Variants in SCRG1 observed in about 807,000 individuals in gnomAD.
SCRG1 encodes the protein scrapie-responsive protein 1.
In SCRG1, 3 loss-of-function variants were observed where a neutral mutation model predicts 7.7. The observed-to-expected ratio is 0.39, with a 90% CI of 0.18 to 1.01. The LOEUF is 1.01. SCRG1 is among the 50% of genes least tolerant of loss of function. SCRG1 has a pLI of 0.36. For missense variants in SCRG1, 110 were observed against 117.2 expected (o/e 0.94, Z 0.28); for synonymous variants, 46 against 41.2 (o/e 1.12, Z -0.44).
At chr4:173,388,739 G>A (rs1194512682) in intron 2 of SCRG1, among the ~76,000 whole-genome samples, 2 of 152,184 alleles carry the variant, frequency 1.3e-5, no homozygotes, top group African/African-American at 4.8e-5. Context: ...TTAGGAAACA[G>A]AAGATTCAAC....
At chr4:173,499,462 T>C in the SCRG1 span, among the ~76,000 whole-genome samples, 1 of 152,182 alleles carries the variant, frequency 6.6e-6, no homozygotes, top group Non-Finnish European at 1.5e-5. This position sits in a 1 kb window ranked among gnomAD's most constrained non-coding sequence, Gnocchi z 4.1. Context: ...GTAATAGCAG[T>C]TGATAAGGAA....
the SCRG1 span, among the ~76,000 whole-genome samples, chr4:173,459,190 T>A: frequency 6.6e-6 from 1 of 152,200 alleles, no homozygotes. Flanking sequence ...CACCTCACTC[T>A]CAGAATCGCA....
At chr4:173,422,184 T>C in the SCRG1 span, among the ~76,000 whole-genome samples, 3,151 of 152,334 alleles carry the variant, frequency 0.021, 95 homozygotes, top group African/African-American at 0.067. Context: ...GTAAGTGGAC[T>C]GTTACAGGAT....
the SCRG1 span, among the ~76,000 whole-genome samples, chr4:173,420,834 T>C: frequency 3.3e-5 from 5 of 152,164 alleles, no homozygotes; most frequent in African/African-American, 1.2e-4. Context: ...CCAGAGAAGA[T>C]AGTAGAATGC....
At chr4:173,443,272 C>T in the SCRG1 span, among the ~76,000 whole-genome samples, 1 of 151,888 alleles carries the variant, frequency 6.6e-6, no homozygotes, top group African/African-American at 2.4e-5. Context: ...AGACTTGTAT[C>T]AACAAAGCTG....
the SCRG1 span, among the ~76,000 whole-genome samples, chr4:173,457,748 T>C: frequency 1.3e-5 from 2 of 152,204 alleles, no homozygotes; most frequent in Admixed American, 6.5e-5. Flanking sequence ...CCTAATCTTA[T>C]TGCTAGCTAA....
the SCRG1 span, among the ~76,000 whole-genome samples, chr4:173,425,795 C>T: frequency 2.0e-5 from 3 of 152,218 alleles, no homozygotes; most frequent in East Asian, 3.8e-4. Context: ...CTTCTCCCTC[C>T]CCTGCTCCCA....
the SCRG1 span, among the ~76,000 whole-genome samples, chr4:173,471,627 T>A: frequency 1.3e-5 from 2 of 152,174 alleles, no homozygotes; most frequent in Non-Finnish European, 2.9e-5. Flanking sequence ...TTGACTTGCC[T>A]GGTAAGTATT....
chr4:173,448,668 C>T, the SCRG1 span, among the ~76,000 whole-genome samples: 3 of 152,244 alleles, frequency 2.0e-5, no homozygotes, highest in Admixed American at 6.5e-5. Context: ...ATGATGTCAT[C>T]CATGTCCTTA....
chr4:173,398,385 A>T (rs1739664200), intron 1 of SCRG1: 1 of 152,220 alleles, frequency 6.6e-6, no homozygotes, highest in Non-Finnish European at 1.5e-5. Context: ...GACACAGTAA[A>T]TCATCATCAC....
the SCRG1 span, among the ~76,000 whole-genome samples, chr4:173,417,151 G>GAC: frequency 7.2e-4 from 108 of 150,416 alleles, no homozygotes; most frequent in African/African-American, 2.0e-3. Flanking sequence ...CAGACAGACA[G>GAC]ACACACACAC....
intron 1 of SCRG1, among the ~76,000 whole-genome samples, chr4:173,396,231 G>T (rs1430841529): frequency 6.6e-6 from 1 of 152,192 alleles, no homozygotes. Flanking sequence ...GGTTTGAGAT[G>T]CCTGTTAGAT....
At chr4:173,497,299 C>T in the SCRG1 span, among the ~76,000 whole-genome samples, 1 of 152,148 alleles carries the variant, frequency 6.6e-6, no homozygotes, top group African/African-American at 2.4e-5. Context: ...CCAAGGCTAG[C>T]TGGCCCATTC....
chr4:173,514,636 C>A, the SCRG1 span, among the ~76,000 whole-genome samples: 3 of 152,314 alleles, frequency 2.0e-5, no homozygotes, highest in African/African-American at 7.2e-5. Flanking sequence ...CAATCGACCC[C>A]TTCTACCCAT....
chr4:173,483,538 A>T, the SCRG1 span, among the ~76,000 whole-genome samples: 1 of 94,338 alleles, frequency 1.1e-5, no homozygotes, highest in African/African-American at 4.4e-5. Flanking sequence ...TTGTATTATG[A>T]TATATAATAT....
At chr4:173,473,838 T>C in the SCRG1 span, among the ~76,000 whole-genome samples, 2 of 152,168 alleles carry the variant, frequency 1.3e-5, no homozygotes, top group Non-Finnish European at 2.9e-5. Context: ...TGGCAGATAA[T>C]GGTTTGGTTA....
At chr4:173,458,381 A>T in the SCRG1 span, among the ~76,000 whole-genome samples, 138 of 151,326 alleles carry the variant, frequency 9.1e-4, no homozygotes, top group African/African-American at 2.7e-3. Flanking sequence ...AAAAATAATT[A>T]AAAAAAAACA....
the SCRG1 span, among the ~76,000 whole-genome samples, chr4:173,435,238 T>C: frequency 0.37 from 56,335 of 151,850 alleles, 10,658 homozygotes; most frequent in South Asian, 0.54. Context: ...ACAGTCCCTA[T>C]CCTGGCAGGG....
the SCRG1 span, among the ~76,000 whole-genome samples, chr4:173,515,114 G>A: frequency 1.3e-5 from 2 of 152,174 alleles, no homozygotes; most frequent in Non-Finnish European, 2.9e-5. This position sits in a 1 kb window ranked among gnomAD's most constrained non-coding sequence, Gnocchi z 4.6. Flanking sequence ...GGTGGCAACT[G>A]GGGGAAACGG....
Sources: allele counts gnomAD v4.1 joint callset (sites outside exome capture counted in the v4.1 genomes callset), GRCh38; gene constraint gnomAD v4.1.1; non-coding constraint Gnocchi (gnomAD v3.1); transcripts MANE v1.5; gene names NCBI Gene and HGNC (gene_info 2026-07-23, HGNC 2026-07-21).